ARHGAP24: variants seen among roughly 807,000 people sequenced by gnomAD.
The protein encoded by ARHGAP24 is rho GTPase-activating protein 24.
Under a neutral mutation model 76.4 loss-of-function variants are expected in ARHGAP24, and 50 were observed. The ratio of observed to expected loss-of-function variants is 0.65; its 90% CI spans 0.52 to 0.83. The LOEUF is 0.83. ARHGAP24 is among the 40% of genes least tolerant of loss of function. The pLI, the probability that ARHGAP24 is intolerant of heterozygous loss-of-function variation, is 0.00. For synonymous variants in ARHGAP24, 345 were observed against 323.3 expected, an observed-to-expected ratio of 1.07 and a Z score of -0.72; for missense variants, 930 against 914.2, an observed-to-expected ratio of 1.02 and a Z score of -0.22.
At chr4:85,967,556 C>G (rs1738694670) in intron 5 of ARHGAP24, among the ~76,000 whole-genome samples, 1 of 152,092 alleles carries the variant, frequency 6.6e-6, no homozygotes, top group African/African-American at 2.4e-5. Context: ...AATATAAGAA[C>G]CAAACTTATA....
intron 1 of ARHGAP24, among the ~76,000 whole-genome samples, chr4:85,490,000 C>T (rs916816833): frequency 6.6e-6 from 1 of 152,034 alleles, no homozygotes; most frequent in Admixed American, 6.5e-5. Context: ...AAATGCCAAG[C>T]AATTAGTGTA....
At chr4:85,951,476 CT>C (rs1737614342) in intron 5 of ARHGAP24, among the ~76,000 whole-genome samples, 1 of 152,132 alleles carries the variant, frequency 6.6e-6, no homozygotes, top group African/African-American at 2.4e-5. Flanking sequence ...CACCCAGGTT[CT>C]TTAATCCTTC....
chr4:85,949,573 T>C (rs937321979), intron 5 of ARHGAP24, among the ~76,000 whole-genome samples: 7 of 152,202 alleles, frequency 4.6e-5, no homozygotes, highest in African/African-American at 1.7e-4. Context: ...CTCCTCCCTA[T>C]AGCTGATGGT....
At chr4:85,823,283 G>T (rs563610615) in intron 3 of ARHGAP24, among the ~76,000 whole-genome samples, 1 of 152,094 alleles carries the variant, frequency 6.6e-6, no homozygotes, top group South Asian at 2.1e-4. Flanking sequence ...ACAAAATTCG[G>T]ATCATATTGT....
At chr4:85,664,350 T>C (rs1722524961) in intron 2 of ARHGAP24, among the ~76,000 whole-genome samples, 1 of 151,258 alleles carries the variant, frequency 6.6e-6, no homozygotes, top group Admixed American at 6.6e-5. Context: ...TTGGGATTGG[T>C]GGTGATATCC....
chr4:85,618,290 C>G (rs1049391970), intron 2 of ARHGAP24, among the ~76,000 whole-genome samples: 1 of 152,108 alleles, frequency 6.6e-6, no homozygotes, highest in Non-Finnish European at 1.5e-5. Flanking sequence ...CAGGTTCATT[C>G]ATGTTGTGGC....
At chr4:85,495,064 C>T (rs189007848) in intron 1 of ARHGAP24, among the ~76,000 whole-genome samples, 17 of 143,236 alleles carry the variant, frequency 1.2e-4, no homozygotes, top group African/African-American at 3.9e-4. Context: ...CACTGCACTC[C>T]AGCCCAGGCG....
At chr4:85,681,690 CA>C (rs1723208892) in intron 2 of ARHGAP24, among the ~76,000 whole-genome samples, 1 of 152,170 alleles carries the variant, frequency 6.6e-6, no homozygotes, top group Non-Finnish European at 1.5e-5. Context: ...ATCCTGCATG[CA>C]AAACACAATA....
At chr4:85,846,699 T>G (rs1202846637) in intron 3 of ARHGAP24, among the ~76,000 whole-genome samples, 1 of 152,238 alleles carries the variant, frequency 6.6e-6, no homozygotes, top group East Asian at 1.9e-4. Flanking sequence ...AATACTGTTT[T>G]CATCACCATG....
At chr4:85,543,700 C>T (rs763596569) in intron 1 of ARHGAP24, among the ~76,000 whole-genome samples, 2 of 152,044 alleles carry the variant, frequency 1.3e-5, no homozygotes, top group Non-Finnish European at 2.9e-5. Context: ...TTATGTAAGA[C>T]GACATCACTA....
At chr4:85,795,435 T>A (rs985825665) in intron 3 of ARHGAP24, among the ~76,000 whole-genome samples, 1 of 152,218 alleles carries the variant, frequency 6.6e-6, no homozygotes, top group Non-Finnish European at 1.5e-5. Flanking sequence ...AGTTTTAAAA[T>A]ATTATTGATC....
chr4:85,727,108 T>C (rs13102863), intron 3 of ARHGAP24, among the ~76,000 whole-genome samples: 22,881 of 151,812 alleles, frequency 0.15, 2,387 homozygotes, highest in East Asian at 0.55. Context: ...TAATCCCAGC[T>C]ACTCAGGAGG....
chr4:85,895,140 G>T (rs1192825724), intron 3 of ARHGAP24, among the ~76,000 whole-genome samples: 1 of 151,806 alleles, frequency 6.6e-6, no homozygotes, highest in Non-Finnish European at 1.5e-5. Flanking sequence ...AGAAATCTCA[G>T]TAATCACCAC....
intron 9 of ARHGAP24, 35 bp from the exon 10 acceptor site, chr4:86,000,444 T>TGGGGGGGGGGGGGGGGG: frequency 1.6e-6 from 1 of 616,722 alleles, no homozygotes; most frequent in Non-Finnish European, 2.7e-6. Flanking sequence ...TACTCTTGCG[T>TGGGGGGGGGGGGGGGGG]CCCCACCCCC....
At chr4:85,746,173 C>A (rs1385021910) in intron 3 of ARHGAP24, among the ~76,000 whole-genome samples, 1 of 152,168 alleles carries the variant, frequency 6.6e-6, no homozygotes, top group Non-Finnish European at 1.5e-5. Context: ...AAAGAAAGGG[C>A]AAGCTAGGGA....
chr4:85,502,698 G>T (rs941091296), intron 1 of ARHGAP24, among the ~76,000 whole-genome samples: 9 of 152,058 alleles, frequency 5.9e-5, no homozygotes, highest in Non-Finnish European at 8.8e-5. Context: ...TTTCCTAATT[G>T]AATACCCTCT....
At chr4:85,628,167 C>T (rs544381172) in intron 2 of ARHGAP24, among the ~76,000 whole-genome samples, 2 of 152,184 alleles carry the variant, frequency 1.3e-5, no homozygotes, top group African/African-American at 2.4e-5. Flanking sequence ...TTCTGCGTCG[C>T]TCACACTGGG....
rs573535715 is a variant in ARHGAP24, at chr4:85,930,259, G to A, written c.391+6489G>A. On this transcript the variant is annotated intron_variant, in intron 4 of 9. Coordinates refer to ENST00000395184, the MANE Select transcript of ARHGAP24 (RefSeq NM_001025616.3). ...GGAATGGGCACTCGACTGTTCTGACGTTGTGATTCTCTCGGGAGTTTGAAG... is the reference window on the plus strand; with the variant it reads ...GGAATGGGCACTCGACTGTTCTGACATTGTGATTCTCTCGGGAGTTTGAAG... 6 of 985,596 alleles carry A rather than the reference G, an allele frequency of 6.1e-6. No individual in the cohort carries two copies. The South Asian group carries it at 2.3e-4, about 39-fold the overall frequency. 61.1% of individuals were successfully genotyped at this position (985,596 alleles called of 1,614,324 possible). A position where few individuals can be genotyped will look rare whatever the true frequency, so the allele number is the denominator to read the frequency against.
chr4:85,671,313 T>G (rs1458101509), intron 2 of ARHGAP24, among the ~76,000 whole-genome samples: 2 of 152,154 alleles, frequency 1.3e-5, no homozygotes, highest in Admixed American at 6.6e-5. Flanking sequence ...AAGTATTACA[T>G]GGTATTTTTT....
Sources: allele counts gnomAD v4.1 joint callset (sites outside exome capture counted in the v4.1 genomes callset), GRCh38; gene constraint gnomAD v4.1.1; transcripts MANE v1.5; gene names NCBI Gene and HGNC (gene_info 2026-07-23, HGNC 2026-07-21).